Variants in VNN1 observed in about 807,000 individuals in gnomAD.
VNN1 encodes vanin 1, also known as pantetheinase.
VNN1 carries 29 observed loss-of-function variants against 41.9 expected under a neutral mutation model. That is an observed-to-expected ratio of 0.69 (90% CI 0.52 to 0.94). The LOEUF (loss-of-function observed/expected upper bound fraction) is 0.94, where lower values mean the gene tolerates loss of function less well. Among genes scored for constraint, VNN1 ranks in the 40% least tolerant of loss-of-function variants. VNN1 has a pLI of 0.00. For missense variants in VNN1, 637 were observed against 621.1 expected, an observed-to-expected ratio of 1.03 and a Z score of -0.27; for synonymous variants, 233 against 224.4, an observed-to-expected ratio of 1.04 and a Z score of -0.34.
rs759815768 is a variant in VNN1 at position 132,693,339 on chromosome 6, G to GA, written c.535-25dup. 5.1e-6 allele frequency: 8 copies of GA among 1,555,692 alleles called. No homozygotes were observed. In the East Asian group the frequency reaches 6.8e-5, roughly 13 times the overall value. ...TGCTGCAATAAACAGAAGATAAAGA[G>GA]AAAAAAATTATTTTAGGAAGTTGAT... On this transcript the variant is annotated intron_variant, in intron 3 of 6. Transcript: ENST00000367928.
chr6:132,698,598 A>C (rs192201452), intron 2 of VNN1, among the ~76,000 whole-genome samples: 97 of 152,342 alleles, frequency 6.4e-4, no homozygotes, highest in African/African-American at 1.8e-3. Context: ...CTTCAGCTCC[A>C]AGCTGACCCT....
intron 2 of VNN1, among the ~76,000 whole-genome samples, chr6:132,697,355 C>T (rs1341881216): frequency 1.3e-5 from 2 of 152,002 alleles, no homozygotes; most frequent in Non-Finnish European, 2.9e-5. Flanking sequence ...GCAGGGGATT[C>T]ATTAGGAAGC....
chr6:132,694,110 A>G lies in VNN1; in HGVS notation c.414T>C (p.Asn138=), dbSNP rs200976973. 14 of 1,614,082 alleles carry G rather than the reference A, an allele frequency of 8.7e-6. No individual in the cohort carries two copies. The East Asian group carries it at 3.1e-4, about 36-fold the overall frequency. Residue 138 remains asparagine, a synonymous_variant, in exon 3 of 7, where the codon AAT becomes AAC. Transcript: ENST00000367928. ...AKNNSIYVVA[N]IGDKKPCDTS... is the part of the protein sequence containing the mutation. ...TATCGCATGGCTTCTTGTCCCCAAT[A>G]TTTGCCACAACATAGATAGAGTTGT...
intron 1 of VNN1, among the ~76,000 whole-genome samples, chr6:132,712,162 T>C (rs969772074): frequency 1.3e-5 from 2 of 151,546 alleles, no homozygotes; most frequent in African/African-American, 2.4e-5. Context: ...TCTTTTTTTT[T>C]TTTTTCAGAT....
At position 132,692,589 on chromosome 6, in the gene VNN1, A is replaced by G. The variant is rs1778308693; in HGVS notation, c.827-5T>C. On this transcript the variant is annotated splice_polypyrimidine_tract_variant and splice_region_variant and intron_variant, in intron 4 of 6. Coordinates refer to ENST00000367928, the MANE Select transcript of VNN1 (RefSeq NM_004666.3). ...TGGGTGCATAGATGCCACTTCCTGG[A>G]AGTAATAAGTTGAAAACATCATTTG... The G allele has an allele frequency of 6.4e-7, 1 of 1,551,548 alleles. No homozygotes were observed.
At position 132,683,421 on chromosome 6, in the gene VNN1, A is replaced by G. The variant is rs180757602; in HGVS notation, c.1360-99T>C. 1.7e-4 allele frequency: 214 copies of G among 1,270,036 alleles called. No individual in the cohort carries two copies. In the East Asian group the frequency reaches 2.0e-3, roughly 12 times the overall value. The allele number at this position is 1,270,036 out of a possible 1,614,324, so 78.7% of individuals were successfully genotyped here. On this transcript the variant is annotated intron_variant, in intron 6 of 6. Transcript: ENST00000367928. Reference sequence around the variant, plus strand: ...TATAACAGAATGAAGAAACAAAAATACTGGCCAAATTCCATTCTATCAGAA... The same window carrying G: ...TATAACAGAATGAAGAAACAAAAATGCTGGCCAAATTCCATTCTATCAGAA...
At chr6:132,699,274 A>G (rs1441710145) in intron 2 of VNN1, 2 of 232,514 alleles carry the variant, frequency 8.6e-6, no homozygotes, top group Admixed American at 5.3e-5. Flanking sequence ...CACTCATTCA[A>G]GGGAACTTGC....
At chr6:132,698,128 A>C (rs1778397647) in intron 2 of VNN1, among the ~76,000 whole-genome samples, 2 of 152,230 alleles carry the variant, frequency 1.3e-5, no homozygotes. Flanking sequence ...CAGTTTGCTT[A>C]TGGTGCCTGA....
intron 4 of VNN1, 50 bp from the exon 5 acceptor site, chr6:132,692,634 G>T: frequency 1.3e-6 from 2 of 1,509,418 alleles, no homozygotes; most frequent in Non-Finnish European, 8.8e-7. Flanking sequence ...AGTAAAAAGG[G>T]ATTTCATAAT....
At chr6:132,691,725 G>A (rs1582769619) in intron 5 of VNN1, among the ~76,000 whole-genome samples, 2 of 152,134 alleles carry the variant, frequency 1.3e-5, no homozygotes, top group South Asian at 2.1e-4. Context: ...GGCAGGGCAC[G>A]GTGGCTCATG....
At chr6:132,700,192 T>C (rs1249268651) in intron 2 of VNN1, among the ~76,000 whole-genome samples, 3 of 152,232 alleles carry the variant, frequency 2.0e-5, no homozygotes, top group Non-Finnish European at 4.4e-5. Context: ...TTCTGAAAAC[T>C]GTCAGGGTGT....
chr6:132,683,141 T>C lies in VNN1; in HGVS notation c.1541A>G (p.Ter514TrpextTer13), dbSNP rs899123331. The change falls in exon 7 of 7, where the codon TAG (stop) becomes TGG (tryptophan). Residue 514 changes from the stop codon to tryptophan, a stop_lost. Transcript: ENST00000367928. ...TAAAAAAGAGAAAAAGTCAATATTC[T>C]ACCAACTTAATGAGCATACAATAGG... ...IAPIVCSLSW* is the reference protein window; with the variant it reads ...IAPIVCSLSWW 6.3e-7 allele frequency: 1 copy of C among 1,578,942 alleles called. No homozygotes were observed. Among genetic ancestry groups the C allele is most frequent in the Non-Finnish European group, 8.6e-7 (1 of 1,166,582 alleles).
chr6:132,706,862 A>G (rs1283835833), intron 2 of VNN1, among the ~76,000 whole-genome samples: 10 of 152,024 alleles, frequency 6.6e-5, no homozygotes, highest in Admixed American at 5.9e-4. Context: ...TTGAACAGAC[A>G]TTTCTCAAAA....
Position 132,692,551 on chromosome 6 carries a change from G to T in VNN1, c.860C>A (p.Ala287Glu). The change falls in exon 5 of 7, where the codon GCA becomes GAA. Residue 287 changes from alanine to glutamate, a missense_variant. Physicochemically the swap from Ala to Glu is moderately radical, Grantham distance 107. Transcript: ENST00000367928. The stretch of plus-strand genomic sequence containing the variant: ...TTCTGTCTTCATATCATAATGAAAT[G>T]CTCTTGAAGAATTGGGTGCATAGAT... ...SGIYAPNSSR[A>E]FHYDMKTEEG... The T allele has an allele frequency of 6.3e-7, 1 of 1,598,952 alleles. No homozygotes were observed.
chr6:132,711,245 C>T (rs946252093), intron 2 of VNN1, among the ~76,000 whole-genome samples: 4 of 152,072 alleles, frequency 2.6e-5, no homozygotes, highest in African/African-American at 4.8e-5. Flanking sequence ...TCTCTGTAGC[C>T]GAGACCTGAC....
intron 2 of VNN1, 65 bp downstream of exon 2, chr6:132,711,644 C>G (rs768008918): frequency 3.3e-5 from 52 of 1,563,838 alleles, no homozygotes; most frequent in Non-Finnish European, 4.5e-5. Flanking sequence ...TGATCATCAA[C>G]AAAGTTTTCC....
rs773469058 is a variant in VNN1, at chr6:132,684,497, G to A, written c.1197C>T (p.Thr399=). ...AATTAGTCGTTTTACATTTCAACAG[G>A]GTACAAATCTAGGGAAGTCATGAAA... ...VEGRYYLQIC[T]LLKCKTTNLN... Residue 399 remains threonine (T), a synonymous_variant, in exon 6 of 7, where the codon ACC becomes ACT. Transcript: ENST00000367928. 3.1e-6 allele frequency: 5 copies of A among 1,613,602 alleles called. No homozygotes were observed. The South Asian group carries it at 5.5e-5, about 18-fold the overall frequency.
chr6:132,695,534 T>C (rs1444906592), intron 2 of VNN1, among the ~76,000 whole-genome samples: 1 of 152,218 alleles, frequency 6.6e-6, no homozygotes, highest in Non-Finnish European at 1.5e-5. Flanking sequence ...CTTCTGATCA[T>C]GGAGGTACAA....
intron 5 of VNN1, among the ~76,000 whole-genome samples, chr6:132,685,241 G>A (rs994822448): frequency 3.3e-5 from 5 of 152,188 alleles, no homozygotes; most frequent in African/African-American, 1.2e-4. Flanking sequence ...ATCTAAGTAT[G>A]TGAGTCATCT....
Sources: gnomAD v4.1 joint callset for allele counts (sites outside exome capture counted in the v4.1 genomes callset) on GRCh38, gnomAD v4.1.1 for gene constraint, MANE v1.5 for transcripts, NCBI Gene and HGNC (gene_info 2026-07-23, HGNC 2026-07-21) for gene names.